The following FGF14 variants were observed in gnomAD, a reference collection of about 807,000 sequenced individuals.
FGF14 encodes the protein fibroblast growth factor homologous factor 4.
In FGF14, 5 loss-of-function variants were observed where a neutral mutation model predicts 25.5. The ratio of observed to expected loss-of-function variants is 0.20; its 90% CI spans 0.10 to 0.41. The LOEUF (loss-of-function observed/expected upper bound fraction) is 0.41, where lower values mean the gene tolerates loss of function less well. Ranked by LOEUF, FGF14 falls within the 10% of genes least tolerant of loss-of-function variation. The pLI is 1.00. For missense variants in FGF14, 222 were observed against 320.1 expected (o/e 0.69, Z 2.34); for synonymous variants, 138 against 118.3 (o/e 1.17, Z -1.08).
intron 1 of FGF14, among the ~76,000 whole-genome samples, chr13:102,072,877 C>T (rs1053189477): frequency 4.6e-5 from 7 of 152,076 alleles, no homozygotes; most frequent in African/African-American, 1.7e-4. Context: ...GTAAATTGGG[C>T]GAAGAATGGC....
At chr13:102,227,706 T>G (rs1251668126) in intron 1 of FGF14, among the ~76,000 whole-genome samples, 2 of 152,236 alleles carry the variant, frequency 1.3e-5, no homozygotes, top group East Asian at 3.9e-4. Context: ...AAGGACTTCT[T>G]GCCACGTAGA....
At chr13:101,905,798 C>T (rs1205895808) in intron 1 of FGF14, among the ~76,000 whole-genome samples, 1 of 152,080 alleles carries the variant, frequency 6.6e-6, no homozygotes, top group African/African-American at 2.4e-5. Context: ...GAGTATAATG[C>T]TGACTTTTAT....
intron 1 of FGF14, among the ~76,000 whole-genome samples, chr13:102,313,366 C>T (rs1375468453): frequency 1.3e-5 from 2 of 152,128 alleles, no homozygotes; most frequent in Non-Finnish European, 2.9e-5. Flanking sequence ...CTGAGTCTCA[C>T]GAGGTAACAT....
intron 1 of FGF14, among the ~76,000 whole-genome samples, chr13:101,979,243 T>C (rs1169817477): frequency 6.6e-6 from 1 of 152,200 alleles, no homozygotes; most frequent in Non-Finnish European, 1.5e-5. Context: ...GGGGTAGTTA[T>C]GAAAATTAAA....
At chr13:101,957,353 CTA>C (rs1366713807) in intron 1 of FGF14, among the ~76,000 whole-genome samples, 2 of 152,026 alleles carry the variant, frequency 1.3e-5, no homozygotes, top group Non-Finnish European at 2.9e-5. Context: ...TAAAGAGACA[CTA>C]TATATGTTAG....
intron 1 of FGF14, among the ~76,000 whole-genome samples, chr13:102,209,192 C>T (rs2050061949): frequency 1.3e-5 from 2 of 152,214 alleles, no homozygotes; most frequent in African/African-American, 2.4e-5. Flanking sequence ...AGCTTTGTTT[C>T]CAGTTGGGTA....
chr13:101,840,559 T>C (rs1477457765), intron 3 of FGF14, among the ~76,000 whole-genome samples: 2 of 151,854 alleles, frequency 1.3e-5, no homozygotes, highest in Non-Finnish European at 2.9e-5. Flanking sequence ...AAATTGATAG[T>C]TAAAAGGTAT....
chr13:101,770,061 G>T (rs145861114), intron 3 of FGF14, among the ~76,000 whole-genome samples: 97 of 152,164 alleles, frequency 6.4e-4, no homozygotes, highest in Non-Finnish European at 1.2e-3. Flanking sequence ...GGGGGCAAGG[G>T]GCATAAGGGG....
At chr13:101,887,132 T>G (rs985938543) in intron 1 of FGF14, among the ~76,000 whole-genome samples, 4 of 151,956 alleles carry the variant, frequency 2.6e-5, no homozygotes, top group Non-Finnish European at 5.9e-5. Context: ...GAAAACAGTA[T>G]GGAGGTTTCT....
intron 1 of FGF14, among the ~76,000 whole-genome samples, chr13:102,266,742 A>C (rs1006157328): frequency 6.6e-6 from 1 of 152,188 alleles, no homozygotes; most frequent in African/African-American, 2.4e-5. Flanking sequence ...ATAAATTGAA[A>C]ATATCAGTAT....
chr13:102,330,430 C>T (rs553695986), intron 1 of FGF14, among the ~76,000 whole-genome samples: 1 of 152,238 alleles, frequency 6.6e-6, no homozygotes, highest in East Asian at 1.9e-4. Flanking sequence ...ACTCTCTCTC[C>T]TGCATCATCT....
chr13:102,005,621 A>G (rs1489338763), intron 1 of FGF14, among the ~76,000 whole-genome samples: 1 of 152,236 alleles, frequency 6.6e-6, no homozygotes, highest in East Asian at 1.9e-4. Context: ...GAAAAAGGAC[A>G]TTAGATGACA....
intron 1 of FGF14, among the ~76,000 whole-genome samples, chr13:102,184,094 G>A (rs553195812): frequency 6.6e-6 from 1 of 152,112 alleles, no homozygotes; most frequent in East Asian, 1.9e-4. Flanking sequence ...TCACTCAGGG[G>A]ACTTGGTAAT....
chr13:101,920,314 C>A (rs1390235218), upstream of FGF14, among the ~76,000 whole-genome samples: 1 of 152,114 alleles, frequency 6.6e-6, no homozygotes, highest in Non-Finnish European at 1.5e-5. Flanking sequence ...TGGTGTAGCT[C>A]CTCACCAAGC....
intron 1 of FGF14, among the ~76,000 whole-genome samples, chr13:102,080,396 G>A (rs2043562290): frequency 6.6e-6 from 1 of 152,180 alleles, no homozygotes; most frequent in South Asian, 2.1e-4. Context: ...TGGTGCTGCA[G>A]TTTGCTTAGA....
intron 1 of FGF14, among the ~76,000 whole-genome samples, chr13:102,226,809 C>G (rs2050845138): frequency 6.6e-6 from 1 of 152,178 alleles, no homozygotes. Flanking sequence ...AGCACATTTT[C>G]TCATGAACAG....
intron 1 of FGF14, among the ~76,000 whole-genome samples, chr13:102,022,980 CCTCTA>C (rs67938782): frequency 0.28 from 41,740 of 151,196 alleles, 6,672 homozygotes; most frequent in East Asian, 0.72. Context: ...CAAGGAAGGG[CCTCTA>C]CTCTAAAGAA....
At chr13:101,742,755 AT>A (rs1226273073) in intron 3 of FGF14, among the ~76,000 whole-genome samples, 3 of 152,156 alleles carry the variant, frequency 2.0e-5, no homozygotes, top group African/African-American at 7.2e-5. Flanking sequence ...GCTGCCTCCC[AT>A]TCTATTCCTA....
At chr13:102,399,575 C>A (rs1420838988) in intron 1 of FGF14, among the ~76,000 whole-genome samples, 2 of 152,156 alleles carry the variant, frequency 1.3e-5, no homozygotes, top group Non-Finnish European at 2.9e-5. Context: ...ATGAACCAAG[C>A]GTCAGCAAGT....
Sources: gnomAD v4.1 joint callset for allele counts (sites outside exome capture counted in the v4.1 genomes callset) on GRCh38, gnomAD v4.1.1 for gene constraint, MANE v1.5 for transcripts, NCBI Gene and HGNC (gene_info 2026-07-23, HGNC 2026-07-21) for gene names.